NPEPPS: variants seen among roughly 807,000 people sequenced by gnomAD.
NPEPPS encodes the protein puromycin-sensitive aminopeptidase.
Under a neutral mutation model 115.5 loss-of-function variants are expected in NPEPPS, and 14 were observed. That is an observed-to-expected ratio of 0.12 (90% CI 0.08 to 0.19). NPEPPS has a LOEUF of 0.19. Ranked by LOEUF, NPEPPS falls within the 10% of genes least tolerant of loss-of-function variation. The pLI, the probability that NPEPPS is intolerant of heterozygous loss-of-function variation, is 1.00. For missense variants in NPEPPS, 523 were observed against 1,110.8 expected, an observed-to-expected ratio of 0.47 and a Z score of 7.52; for synonymous variants, 285 against 390.6, an observed-to-expected ratio of 0.73 and a Z score of 3.19.
At chr17:47,576,344 T>C (rs1297246157) in intron 3 of NPEPPS, among the ~76,000 whole-genome samples, 2 of 152,068 alleles carry the variant, frequency 1.3e-5, no homozygotes, top group Non-Finnish European at 2.9e-5. Flanking sequence ...AAACAAAAAT[T>C]AGTCAGGCCT....
chr17:47,585,990 A>C, intron 6 of NPEPPS, 158 bp from the exon 7 acceptor site: 1 of 652,488 alleles, frequency 1.5e-6, no homozygotes, highest in East Asian at 3.0e-5. Flanking sequence ...ATTGTATTCA[A>C]AGTTTGGAGC....
rs1346012934 is a variant in NPEPPS at position 47,546,071 on chromosome 17, T to TGAGA, written c.340+79_340+80insAGAG. 596 of 1,406,242 alleles carry TGAGA rather than the reference T, an allele frequency of 4.2e-4. 1 individual carries two copies. Among genetic ancestry groups the TGAGA allele is most frequent in the South Asian group, 1.3e-3 (97 of 76,366 alleles). The allele number at this position is 1,406,242 out of a possible 1,614,324, so 87.1% of individuals were successfully genotyped here. On this transcript the variant is annotated intron_variant, in intron 2 of 22. Transcript: ENST00000322157. ...GTGTGTGTGTGTGTGTGTGTGTGTG[T>TGAGA]GTGAGAGAGAGAGAGAGAGAGACAT...
In NPEPPS at chr17:47,531,220, C is replaced by A; in HGVS notation, c.-81C>A. ...CGCCCGCACCGCCTCCTTCCCAGCC[C>A]CTAGCGCTCCGGCTGGGTCTCTCCC... is the stretch of plus-strand genomic sequence containing the variant. On this transcript the variant is annotated 5_prime_UTR_variant, in exon 1 of 23. Coordinates refer to ENST00000322157, the MANE Select transcript of NPEPPS (RefSeq NM_006310.4). The A allele has an allele frequency of 6.8e-7, 1 of 1,476,068 alleles. No homozygotes were observed. The highest frequency in any genetic ancestry group is 1.3e-5 in the South Asian group (1 of 74,540). The allele number at this position is 1,476,068 out of a possible 1,614,324, so 91.4% of individuals were successfully genotyped here. A position where few individuals can be genotyped will look rare whatever the true frequency, so the allele number is the denominator to read the frequency against.
intron 17 of NPEPPS, among the ~76,000 whole-genome samples, chr17:47,610,875 A>C (rs1442997602): frequency 1.1e-5 from 1 of 90,994 alleles, no homozygotes. Context: ...TTTTTTTGAG[A>C]TGGAGTCTCA....
At chr17:47,541,665 G>A (rs965130703) in intron 1 of NPEPPS, among the ~76,000 whole-genome samples, 1 of 152,126 alleles carries the variant, frequency 6.6e-6, no homozygotes, top group African/African-American at 2.4e-5. Context: ...ATGAGCCGTC[G>A]TGCCCAGCCA....
chr17:47,532,529 C>T (rs1276046589), intron 1 of NPEPPS, among the ~76,000 whole-genome samples: 13 of 151,932 alleles, frequency 8.6e-5, no homozygotes, highest in Non-Finnish European at 4.4e-5. Flanking sequence ...TGGCGGGCCC[C>T]TGTAATCTCA....
At chr17:47,619,554 C>CAAA in intron 21 of NPEPPS, 183 bp from the exon 22 acceptor site, 5 of 471,980 alleles carry the variant, frequency 1.1e-5, no homozygotes, top group South Asian at 2.6e-5. Context: ...AACTCCGTCT[C>CAAA]AAAAAAAAAA....
chr17:47,538,448 A>G (rs1908491466), intron 1 of NPEPPS, among the ~76,000 whole-genome samples: 1 of 148,486 alleles, frequency 6.7e-6, no homozygotes, highest in African/African-American at 2.5e-5. Flanking sequence ...ACCCGACCTC[A>G]GGTGATCCGC....
chr17:47,549,207 G>A (rs1455520293), intron 2 of NPEPPS, among the ~76,000 whole-genome samples: 1 of 152,018 alleles, frequency 6.6e-6, no homozygotes, highest in Non-Finnish European at 1.5e-5. Flanking sequence ...GCTGGGTGTG[G>A]TGGCGGGTGC....
chr17:47,621,691 G>A (rs1914583257), intron 22 of NPEPPS, 77 bp from the exon 23 acceptor site: 3 of 1,374,418 alleles, frequency 2.2e-6, no homozygotes, highest in South Asian at 1.4e-5. Context: ...ATAGACCAGT[G>A]GGTATTTTTT....
intron 9 of NPEPPS, among the ~76,000 whole-genome samples, chr17:47,589,239 A>ACCTG (rs1912365215): frequency 6.6e-6 from 1 of 151,724 alleles, no homozygotes; most frequent in South Asian, 2.1e-4. Flanking sequence ...GAGCTACCAC[A>ACCTG]CCTGGCCTTT....
At chr17:47,542,420 C>T (rs550007393) in intron 1 of NPEPPS, among the ~76,000 whole-genome samples, 1 of 152,170 alleles carries the variant, frequency 6.6e-6, no homozygotes, top group South Asian at 2.1e-4. Flanking sequence ...GTGGCACATG[C>T]CTGTAATCCC....
At chr17:47,538,082 A>G (rs923044672) in intron 1 of NPEPPS, among the ~76,000 whole-genome samples, 6 of 150,156 alleles carry the variant, frequency 4.0e-5, no homozygotes, top group Admixed American at 6.7e-5. Flanking sequence ...TAGTAGAGAC[A>G]GGGTTTCACC....
chr17:47,581,346 A>C (rs1411641178), intron 4 of NPEPPS: 1 of 152,122 alleles, frequency 6.6e-6, no homozygotes, highest in Non-Finnish European at 1.5e-5. Context: ...AGTGTGAAAG[A>C]GTTTTTCTGT....
chr17:47,540,140 G>A (rs1472062469), intron 1 of NPEPPS, among the ~76,000 whole-genome samples: 1 of 152,030 alleles, frequency 6.6e-6, no homozygotes, highest in Non-Finnish European at 1.5e-5. Context: ...GCGTCAAGCT[G>A]CCTCTTTGGT....
intron 20 of NPEPPS, 125 bp from the exon 21 acceptor site, chr17:47,618,884 G>A (rs1914368975): frequency 1.2e-6 from 1 of 862,854 alleles, no homozygotes; most frequent in African/African-American, 1.7e-5. Context: ...TCTGGTTCCA[G>A]TTATTCCTAA....
chr17:47,536,157 T>C (rs1597808993), intron 1 of NPEPPS, among the ~76,000 whole-genome samples: 1 of 151,926 alleles, frequency 6.6e-6, no homozygotes, highest in Non-Finnish European at 1.5e-5. Context: ...ATGGAAATAT[T>C]TTACCTGTGC....
chr17:47,614,672 C>T (rs1914078559), intron 19 of NPEPPS, among the ~76,000 whole-genome samples: 1 of 152,176 alleles, frequency 6.6e-6, no homozygotes, highest in African/African-American at 2.4e-5. Flanking sequence ...TCTCCAGTCC[C>T]TATTCATACA....
chr17:47,551,991 T>TTTTGG (rs1909687551), intron 2 of NPEPPS, among the ~76,000 whole-genome samples: 1 of 135,138 alleles, frequency 7.4e-6, no homozygotes. Context: ...CTTTTTTTTT[T>TTTTGG]GAGACAGGTC....
Sources: gnomAD v4.1 joint callset for allele counts (sites outside exome capture counted in the v4.1 genomes callset) on GRCh38, gnomAD v4.1.1 for gene constraint, MANE v1.5 for transcripts, NCBI Gene and HGNC (gene_info 2026-07-23, HGNC 2026-07-21) for gene names.